The following XIRP2 variants were observed in gnomAD, a reference collection of about 807,000 sequenced individuals.
The protein encoded by XIRP2 is xin actin binding repeat containing 2.
A neutral mutation model predicts 277.0 loss-of-function variants in XIRP2; 236 were observed. The ratio of observed to expected loss-of-function variants is 0.85; its 90% confidence interval spans 0.77 to 0.95. The LOEUF (loss-of-function observed/expected upper bound fraction) is 0.95. Ranked by LOEUF, XIRP2 falls within the 40% of genes least tolerant of loss-of-function variation. XIRP2 has a pLI of 0.00. For missense variants in XIRP2, 4,640 were observed against 4,157.5 expected, an observed-to-expected ratio of 1.12 and a Z score of -3.19; for synonymous variants, 1,490 against 1,416.5, an observed-to-expected ratio of 1.05 and a Z score of -1.17.
At chr2:167,009,938 T>G (rs1011658369) in intron 2 of XIRP2, among the ~76,000 whole-genome samples, 1 of 152,154 alleles carries the variant, frequency 6.6e-6, no homozygotes, top group African/African-American at 2.4e-5. Context: ...TAAATTTGTT[T>G]GAGTTCATTA....
chr2:166,896,435 G>A (rs933958939), intron 1 of XIRP2, among the ~76,000 whole-genome samples: 6 of 151,408 alleles, frequency 4.0e-5, no homozygotes, highest in Non-Finnish European at 8.8e-5. Context: ...TCCTGACCCT[G>A]TATAGGCCTA....
chr2:167,055,789 C>G (rs755144694), intron 2 of XIRP2, among the ~76,000 whole-genome samples: 5 of 152,142 alleles, frequency 3.3e-5, no homozygotes, highest in Middle Eastern at 3.2e-3. Flanking sequence ...AGCTTAATCT[C>G]AGACTAAACT....
rs113025461 is a variant in XIRP2 at position 167,058,796 on chromosome 2, G to A, written c.409-77113G>A. 2.8e-3 allele frequency among the ~76,000 whole-genome samples: 424 copies of A among 152,250 alleles called. 5 individuals carry two copies. Among genetic ancestry groups the A allele is most frequent in the African/African-American group, 9.8e-3 (406 of 41,560 alleles). On this transcript the variant is annotated intron_variant, in intron 2 of 10. Coordinates refer to ENST00000409195, the MANE Select transcript of XIRP2 (RefSeq NM_152381.6). ...GTGGTCACGTCTGGAATCAAGGTGA[G>A]AAATACAGAAAGGCATAAATATCAA...
At chr2:167,119,235 C>T (rs1372008838) in intron 2 of XIRP2, among the ~76,000 whole-genome samples, 1 of 152,096 alleles carries the variant, frequency 6.6e-6, no homozygotes, top group Non-Finnish European at 1.5e-5. Flanking sequence ...ATTTTTTCCC[C>T]TTCTTTTTCA....
At chr2:166,952,014 A>G (rs1439467538) in intron 2 of XIRP2, among the ~76,000 whole-genome samples, 1 of 151,986 alleles carries the variant, frequency 6.6e-6, no homozygotes, top group Non-Finnish European at 1.5e-5. Flanking sequence ...CAGTTGCTTC[A>G]TCTATAACAG....
At chr2:166,947,815 TA>T (rs1685919050) in intron 2 of XIRP2, among the ~76,000 whole-genome samples, 1 of 152,136 alleles carries the variant, frequency 6.6e-6, no homozygotes, top group Non-Finnish European at 1.5e-5. Context: ...GAGATGTTTA[TA>T]AAAACTTTAT....
At chr2:167,125,121 G>A (rs1035986907) in intron 2 of XIRP2, among the ~76,000 whole-genome samples, 48 of 152,160 alleles carry the variant, frequency 3.2e-4, no homozygotes, top group Non-Finnish European at 7.4e-5. Flanking sequence ...GCAGTAGAAT[G>A]TGATGATGTT....
In XIRP2 at chr2:167,246,502, G is replaced by A. The variant is rs765113725; in HGVS notation, c.5110G>A (p.Glu1704Lys). ...TCATGAAAATGATGGTGACACAATT[G>A]AGCGTGAAGAAGTAATAGGTGGTGA... is the stretch of plus-strand genomic sequence containing the variant. ...LLHENDGDTI[E>K]REEVIGGDVK... Residue 1704 changes from glutamate (E) to lysine (K), a missense_variant, in exon 9 of 11, where the codon GAG (glutamate) becomes AAG (lysine). Coordinates refer to ENST00000409195, the MANE Select transcript of XIRP2 (RefSeq NM_152381.6). 56 of 1,613,534 alleles carry A rather than the reference G, an allele frequency of 3.5e-5. No individual in the cohort carries two copies. The highest frequency in any genetic ancestry group is 4.5e-5 in the Non-Finnish European group (53 of 1,179,786).
chr2:167,178,083 A>T (rs1244036850), intron 3 of XIRP2, among the ~76,000 whole-genome samples: 1 of 151,856 alleles, frequency 6.6e-6, no homozygotes, highest in African/African-American at 2.4e-5. Context: ...TAATTCTCCC[A>T]TTTGTAGAAA....
chr2:167,206,548 G>A (rs1166674455), intron 3 of XIRP2, among the ~76,000 whole-genome samples: 1 of 152,106 alleles, frequency 6.6e-6, no homozygotes, highest in Non-Finnish European at 1.5e-5. Flanking sequence ...ATCAGACGTG[G>A]CTCATATCAG....
intron 2 of XIRP2, among the ~76,000 whole-genome samples, chr2:166,988,684 G>C (rs1255471878): frequency 3.8e-5 from 4 of 105,468 alleles, no homozygotes; most frequent in Admixed American, 9.7e-5. Context: ...TTCCCTTTCC[G>C]AGTCAAAGAA....
chr2:166,978,288 T>A (rs1346649655), intron 2 of XIRP2, among the ~76,000 whole-genome samples: 6 of 152,228 alleles, frequency 3.9e-5, no homozygotes, highest in Non-Finnish European at 5.9e-5. Context: ...AGATCTACAA[T>A]AAGTAATCAA....
intron 2 of XIRP2, among the ~76,000 whole-genome samples, chr2:167,118,550 G>T (rs1045363163): frequency 7.0e-6 from 1 of 142,422 alleles, no homozygotes; most frequent in South Asian, 2.3e-4. Context: ...GATGGAAGAA[G>T]ATTACTTCCT....
chr2:167,000,910 A>G (rs1185591333), intron 2 of XIRP2, among the ~76,000 whole-genome samples: 1 of 152,084 alleles, frequency 6.6e-6, no homozygotes, highest in Non-Finnish European at 1.5e-5. Flanking sequence ...GACCAGGTGC[A>G]GTGGTGCAGA....
At chr2:167,041,835 A>T (rs1243776601) in intron 2 of XIRP2, among the ~76,000 whole-genome samples, 1 of 152,150 alleles carries the variant, frequency 6.6e-6, no homozygotes, top group East Asian at 1.9e-4. Context: ...AATTCAGGAA[A>T]TTCAAAGAAA....
intron 3 of XIRP2, among the ~76,000 whole-genome samples, chr2:167,194,800 T>C (rs1452754083): frequency 6.6e-6 from 1 of 152,176 alleles, no homozygotes; most frequent in East Asian, 1.9e-4. Context: ...ACTAGTAGTA[T>C]CTATCTCATA....
chr2:166,931,027 G>A (rs1443027254), intron 2 of XIRP2, among the ~76,000 whole-genome samples: 2 of 152,044 alleles, frequency 1.3e-5, no homozygotes, highest in South Asian at 2.1e-4. Flanking sequence ...ATATTTCTTT[G>A]TCAGGGAGAA....
intron 3 of XIRP2, among the ~76,000 whole-genome samples, chr2:167,200,516 G>A (rs1238049254): frequency 6.6e-6 from 1 of 152,232 alleles, no homozygotes; most frequent in Non-Finnish European, 1.5e-5. Flanking sequence ...TACATTTCCA[G>A]TGGACTTTCA....
chr2:167,249,015 G>A lies in XIRP2; in HGVS notation c.7623G>A (p.Lys2541=), dbSNP rs1318606993. The A allele has an allele frequency of 4.3e-6, 7 of 1,610,814 alleles. No homozygotes were observed. In the South Asian group the frequency reaches 7.7e-5, roughly 18 times the overall value. The change falls in exon 9 of 11, where the codon AAG becomes AAA. Residue 2541 remains lysine, a synonymous_variant. Transcript: ENST00000409195. ...QNPKPYMRKF[K]TPLMIAEEKY... ...CAAAACCTTATATGAGAAAATTTAA[G>A]ACACCTTTAATGATTGCTGAAGAAA...
Sources: gnomAD v4.1 joint callset for allele counts (sites outside exome capture counted in the v4.1 genomes callset) on GRCh38, gnomAD v4.1.1 for gene constraint, MANE v1.5 for transcripts, NCBI Gene and HGNC (gene_info 2026-07-23, HGNC 2026-07-21) for gene names.